PRKN: variants seen among roughly 807,000 people sequenced by gnomAD.
PRKN encodes parkin RBR E3 ubiquitin protein ligase, also known as E3 ubiquitin-protein ligase parkin.
In PRKN, 56 loss-of-function variants were observed where a neutral mutation model predicts 59.5. The ratio of observed to expected loss-of-function variants is 0.94; its 90% CI spans 0.76 to 1.18. PRKN has a LOEUF of 1.18. PRKN is among the 50% of genes most tolerant of loss of function. PRKN has a pLI of 0.00. For synonymous variants in PRKN, 250 were observed against 222.1 expected (o/e 1.13, Z -1.12); for missense variants, 657 against 596.4 (o/e 1.10, Z -1.06).
chr6:161,388,593 A>G lies in PRKN; in HGVS notation c.1084-1716T>C, dbSNP rs559606545. 6.6e-6 allele frequency among the ~76,000 whole-genome samples: 1 copy of G among 152,340 alleles called. No individual in the cohort carries two copies. The highest frequency in any genetic ancestry group is 2.1e-4 in the South Asian group (1 of 4,830). ...CTCTTTCCCTTGAGAGGTGGGCTTT[A>G]TGTCTCTTCTGCTGACAGCCAGATG... is the stretch of plus-strand genomic sequence containing the variant. On this transcript the variant is annotated intron_variant, in intron 9 of 11. Transcript: ENST00000366898. This position sits in a 1 kb window ranked among gnomAD's most constrained non-coding sequence, Gnocchi z 4.3.
intron 2 of PRKN, among the ~76,000 whole-genome samples, chr6:162,264,971 G>A (rs540604438): frequency 5.3e-5 from 8 of 152,036 alleles, no homozygotes; most frequent in South Asian, 2.1e-4. Context: ...TCACCTCCCC[G>A]TTTTAGGCCT....
intron 9 of PRKN, among the ~76,000 whole-genome samples, chr6:161,537,656 T>G (rs1452454358): frequency 6.6e-6 from 1 of 152,190 alleles, no homozygotes; most frequent in Non-Finnish European, 1.5e-5. Flanking sequence ...TTTCACCATG[T>G]TAGCCTGGAT....
chr6:161,500,925 G>T (rs1777940134), intron 9 of PRKN, among the ~76,000 whole-genome samples: 1 of 146,458 alleles, frequency 6.8e-6, no homozygotes, highest in African/African-American at 2.6e-5. Context: ...GCCCGGGCTG[G>T]AGTGCAATGG....
intron 7 of PRKN, among the ~76,000 whole-genome samples, chr6:161,680,748 TA>T (rs1562603613): frequency 0.022 from 276 of 12,732 alleles, 15 homozygotes; most frequent in East Asian, 0.041. Flanking sequence ...TATATATATA[TA>T]TATATATATA....
chr6:162,653,989 T>A (rs1258176060), intron 1 of PRKN, among the ~76,000 whole-genome samples: 3 of 152,208 alleles, frequency 2.0e-5, no homozygotes, highest in Admixed American at 2.0e-4. Flanking sequence ...GCACTCTTTT[T>A]GAAGGCAGAG....
chr6:162,593,708 C>CCACCCAA (rs1157542096), intron 1 of PRKN, among the ~76,000 whole-genome samples: 3 of 152,130 alleles, frequency 2.0e-5, no homozygotes, highest in Non-Finnish European at 4.4e-5. Flanking sequence ...AACTCAAGGG[C>CCACCCAA]AGTCACACCC....
At chr6:162,550,672 T>G (rs553772871) in intron 1 of PRKN, among the ~76,000 whole-genome samples, 1 of 152,298 alleles carries the variant, frequency 6.6e-6, no homozygotes, top group East Asian at 1.9e-4. Flanking sequence ...TATTAATATC[T>G]AAGCATATGT....
chr6:161,635,628 G>A (rs1329097687), intron 7 of PRKN, among the ~76,000 whole-genome samples: 2 of 152,222 alleles, frequency 1.3e-5, no homozygotes, highest in East Asian at 3.9e-4. Flanking sequence ...TTTATGCAAA[G>A]CTATCTTCAT....
intron 1 of PRKN, among the ~76,000 whole-genome samples, chr6:162,659,605 T>C (rs1049441426): frequency 2.0e-5 from 3 of 152,140 alleles, no homozygotes; most frequent in African/African-American, 7.2e-5. Context: ...AAAGCAATTT[T>C]CCTTTAAAAT....
chr6:161,885,973 G>A (rs1795134331), intron 6 of PRKN, among the ~76,000 whole-genome samples: 1 of 151,956 alleles, frequency 6.6e-6, no homozygotes, highest in Non-Finnish European at 1.5e-5. Flanking sequence ...ATAAAATAAT[G>A]GTTTGCATTT....
chr6:161,888,103 C>A (rs1474133618), intron 6 of PRKN, among the ~76,000 whole-genome samples: 1 of 152,122 alleles, frequency 6.6e-6, no homozygotes. Flanking sequence ...TGCTTGACAT[C>A]AATGGAGAAA....
intron 9 of PRKN, among the ~76,000 whole-genome samples, chr6:161,427,721 G>C (rs1788446156): frequency 6.6e-6 from 1 of 152,108 alleles, no homozygotes; most frequent in South Asian, 2.1e-4. Flanking sequence ...GCTGAGGTTG[G>C]AAGTATTCAA....
intron 9 of PRKN, among the ~76,000 whole-genome samples, chr6:161,394,474 G>A (rs528666610): frequency 6.6e-6 from 1 of 152,180 alleles, no homozygotes; most frequent in African/African-American, 2.4e-5. Context: ...GCTTATTTTT[G>A]TTTTAGGTTT....
chr6:161,782,739 CA>C, intron 7 of PRKN, among the ~76,000 whole-genome samples: 1 of 151,834 alleles, frequency 6.6e-6, no homozygotes, highest in Non-Finnish European at 1.5e-5. Context: ...ACTAAAAATA[CA>C]AAAATTAGCA....
intron 2 of PRKN, among the ~76,000 whole-genome samples, chr6:162,399,365 A>G (rs1787644589): frequency 1.3e-5 from 2 of 152,158 alleles, no homozygotes; most frequent in African/African-American, 2.4e-5. Context: ...TAATAATCAC[A>G]CAGCAAGGCC....
intron 4 of PRKN, among the ~76,000 whole-genome samples, chr6:162,165,915 G>GCA (rs1782957161): frequency 6.6e-6 from 1 of 151,908 alleles, no homozygotes; most frequent in Non-Finnish European, 1.5e-5. Context: ...GGGTGTGGTG[G>GCA]TGGGCACCTG....
At chr6:161,843,779 G>C (rs2128221134) in intron 6 of PRKN, among the ~76,000 whole-genome samples, 1 of 152,308 alleles carries the variant, frequency 6.6e-6, no homozygotes, top group Non-Finnish European at 1.5e-5. Context: ...AACAGAGCAA[G>C]CCTCCATCTC....
chr6:161,498,240 C>T lies in PRKN; in HGVS notation c.1083+50614G>A, dbSNP rs1307887411. Among the ~76,000 whole-genome samples, 2 of 152,190 alleles carry T rather than the reference C, an allele frequency of 1.3e-5. No individual in the cohort carries two copies. The highest frequency in any genetic ancestry group is 2.4e-5 in the African/African-American group (1 of 41,452). On this transcript the variant is annotated intron_variant, in intron 9 of 11. Coordinates refer to ENST00000366898, the MANE Select transcript of PRKN (RefSeq NM_004562.3). This position sits in a 1 kb window ranked among gnomAD's most constrained non-coding sequence, Gnocchi z 4.2. ...TTTTATTCAGGCTGCAAATCAGTAT[C>T]ATGTTATAGAGTGTATTAATTAATA...
At chr6:162,484,768 A>T (rs1792467253) in intron 1 of PRKN, among the ~76,000 whole-genome samples, 1 of 152,192 alleles carries the variant, frequency 6.6e-6, no homozygotes, top group African/African-American at 2.4e-5. Context: ...CTATCTGTTC[A>T]TCATGTTTGC....
Sources: allele counts gnomAD v4.1 joint callset (sites outside exome capture counted in the v4.1 genomes callset), GRCh38; gene constraint gnomAD v4.1.1; non-coding constraint Gnocchi (gnomAD v3.1); transcripts MANE v1.5; gene names NCBI Gene and HGNC (gene_info 2026-07-23, HGNC 2026-07-21).